MAGI1: variants seen among roughly 807,000 people sequenced by gnomAD.
MAGI1 encodes the protein membrane-associated guanylate kinase, WW and PDZ domain-containing protein 1.
In MAGI1, 58 loss-of-function variants were observed where a neutral mutation model predicts 139.9. The ratio of observed to expected loss-of-function variants is 0.41; its 90% CI spans 0.34 to 0.52. MAGI1 has a LOEUF of 0.52. MAGI1 is among the 20% of genes least tolerant of loss of function. MAGI1 has a pLI of 0.12. For synonymous variants in MAGI1, 812 were observed against 737.9 expected (o/e 1.10, Z -1.63); for missense variants, 1,874 against 1,901.6 (o/e 0.99, Z 0.27).
chr3:65,511,122 C>A (rs575901447), intron 2 of MAGI1, among the ~76,000 whole-genome samples: 5,535 of 149,064 alleles, frequency 0.037, 153 homozygotes, highest in Non-Finnish European at 0.055. Flanking sequence ...TTTGTCACCA[C>A]CAGGCCTGCC....
chr3:65,712,856 C>T (rs1025562945), intron 1 of MAGI1, among the ~76,000 whole-genome samples: 3 of 152,166 alleles, frequency 2.0e-5, no homozygotes, highest in Non-Finnish European at 2.9e-5. Context: ...TAAATAGTTG[C>T]TCAATAAAAC....
intron 2 of MAGI1, among the ~76,000 whole-genome samples, chr3:65,539,297 C>G (rs368707745): frequency 6.6e-5 from 10 of 152,124 alleles, no homozygotes; most frequent in African/African-American, 1.9e-4. Context: ...CAAACAGAAA[C>G]AAATACCAGC....
intron 1 of MAGI1, among the ~76,000 whole-genome samples, chr3:65,882,717 G>A (rs2060379940): frequency 6.6e-6 from 1 of 152,104 alleles, no homozygotes; most frequent in South Asian, 2.1e-4. Flanking sequence ...CAGATGGCTT[G>A]AGCTCAGGTG....
intron 5 of MAGI1, among the ~76,000 whole-genome samples, chr3:65,460,746 T>C (rs1475035720): frequency 1.3e-5 from 2 of 152,104 alleles, no homozygotes; most frequent in South Asian, 2.1e-4. Flanking sequence ...CCCCTCCCTG[T>C]GCCCATATGT....
At chr3:65,604,886 T>A (rs535575733) in intron 2 of MAGI1, among the ~76,000 whole-genome samples, 5 of 152,230 alleles carry the variant, frequency 3.3e-5, no homozygotes, top group Admixed American at 3.3e-4. Flanking sequence ...AATGTGTTAC[T>A]ATTTAGCAGT....
chr3:65,383,511 A>G (rs776629507), intron 15 of MAGI1, 21 bp downstream of exon 15: 6 of 1,572,784 alleles, frequency 3.8e-6, no homozygotes, highest in Non-Finnish European at 5.3e-6. Flanking sequence ...TGCTGGGAAG[A>G]GAGACAAGCA....
intron 22 of MAGI1, among the ~76,000 whole-genome samples, chr3:65,357,848 C>A (rs114422415): frequency 1.3e-5 from 2 of 152,070 alleles, no homozygotes; most frequent in African/African-American, 4.8e-5. Flanking sequence ...GGGATATGTA[C>A]GCAAGGGCCC....
chr3:65,609,190 ATG>A (rs1033419500), intron 2 of MAGI1, among the ~76,000 whole-genome samples: 14 of 152,116 alleles, frequency 9.2e-5, no homozygotes, highest in African/African-American at 3.4e-4. Context: ...TGCGTGGTGC[ATG>A]TGTGTGCGTA....
At chr3:65,484,515 T>C (rs963592531) in intron 3 of MAGI1, among the ~76,000 whole-genome samples, 1 of 152,198 alleles carries the variant, frequency 6.6e-6, no homozygotes, top group Non-Finnish European at 1.5e-5. Context: ...TCTTTATGTA[T>C]AGTGCAAATA....
chr3:66,022,694 G>A (rs980885948), intron 1 of MAGI1, among the ~76,000 whole-genome samples: 6 of 152,078 alleles, frequency 3.9e-5, no homozygotes, highest in African/African-American at 1.2e-4. Context: ...ATTCGAACAT[G>A]GAATCTCATT....
chr3:65,993,335 C>T (rs1283316974), intron 1 of MAGI1, among the ~76,000 whole-genome samples: 2 of 152,322 alleles, frequency 1.3e-5, no homozygotes, highest in African/African-American at 2.4e-5. Flanking sequence ...ACTTATTCCA[C>T]AGGGTGTGGA....
At chr3:65,509,568 C>G (rs914196272) in intron 2 of MAGI1, among the ~76,000 whole-genome samples, 53 of 152,346 alleles carry the variant, frequency 3.5e-4, no homozygotes, top group African/African-American at 1.3e-3. Context: ...AATCGGGTCA[C>G]TCCCACCCGA....
At chr3:65,860,021 G>A (rs1048368647) in intron 1 of MAGI1, among the ~76,000 whole-genome samples, 3 of 151,506 alleles carry the variant, frequency 2.0e-5, no homozygotes, top group Non-Finnish European at 4.4e-5. Flanking sequence ...TCAGCCTCCC[G>A]AGTAGCTGGG....
intron 12 of MAGI1, among the ~76,000 whole-genome samples, chr3:65,416,163 A>C (rs914061801): frequency 6.6e-6 from 1 of 152,214 alleles, no homozygotes; most frequent in African/African-American, 2.4e-5. Context: ...AGCTTTTTAA[A>C]ACATAGCTTT....
At chr3:65,371,868 A>C (rs1173257130) in intron 18 of MAGI1, 1 of 437,638 alleles carries the variant, frequency 2.3e-6, no homozygotes, top group Non-Finnish European at 4.6e-6. Flanking sequence ...ATTAAGTCAC[A>C]TCTTCCGGCT....
intron 1 of MAGI1, among the ~76,000 whole-genome samples, chr3:65,844,607 A>C (rs149219016): frequency 1.3e-4 from 20 of 152,306 alleles, no homozygotes; most frequent in African/African-American, 4.8e-4. Flanking sequence ...CACACACATC[A>C]TGATCAACTG....
chr3:65,453,528 G>T (rs11925266), intron 5 of MAGI1, among the ~76,000 whole-genome samples, 188 bp from the exon 6 acceptor site: 2 of 152,078 alleles, frequency 1.3e-5, no homozygotes, highest in Non-Finnish European at 2.9e-5. Context: ...GAGGGTCTTA[G>T]GTAGGCTTTT....
intron 1 of MAGI1, among the ~76,000 whole-genome samples, chr3:65,698,811 C>T (rs1419337485): frequency 7.0e-6 from 1 of 143,726 alleles, no homozygotes; most frequent in African/African-American, 2.7e-5. Flanking sequence ...AGGACATAGG[C>T]GTGGGCAAGG....
chr3:65,767,109 C>T (rs895639846), intron 1 of MAGI1, among the ~76,000 whole-genome samples: 7 of 152,150 alleles, frequency 4.6e-5, no homozygotes, highest in Non-Finnish European at 8.8e-5. Context: ...TCAATCTGCA[C>T]ACATGTTCTG....
Sources: allele counts gnomAD v4.1 joint callset (sites outside exome capture counted in the v4.1 genomes callset), GRCh38; gene constraint gnomAD v4.1.1; transcripts MANE v1.5; gene names NCBI Gene and HGNC (gene_info 2026-07-23, HGNC 2026-07-21).